The following SPOCK1 variants were observed in gnomAD, a reference collection of about 807,000 sequenced individuals.
SPOCK1 encodes the protein testican-1.
In SPOCK1, 23 loss-of-function variants were observed where a neutral mutation model predicts 55.3. The ratio of observed to expected loss-of-function variants is 0.42; its 90% confidence interval spans 0.30 to 0.59. The LOEUF is 0.59. SPOCK1 is among the 20% of genes least tolerant of loss of function. SPOCK1 has a pLI of 0.22. For synonymous variants in SPOCK1, 226 were observed against 221.0 expected, an observed-to-expected ratio of 1.02 and a Z score of -0.20; for missense variants, 499 against 552.5, an observed-to-expected ratio of 0.90 and a Z score of 0.97.
rs1350408550 is a variant in SPOCK1, at chr5:137,131,995, T to A, written c.347+8585A>T. 9.4e-3 allele frequency among the ~76,000 whole-genome samples: 372 copies of A among 39,422 alleles called. 8 individuals are homozygous for A. The highest frequency in any genetic ancestry group is 0.038 in the African/African-American group (250 of 6,576). 25.9% of individuals were successfully genotyped at this position (39,422 alleles called of 152,430 possible). A position where few individuals can be genotyped will look rare whatever the true frequency, so the allele number is the denominator to read the frequency against. ...TCAAAAAAAAAAAAAAAAAAATATA[T>A]ATATATATATATATATATATATATA... On this transcript the variant is annotated intron_variant, in intron 4 of 10. Coordinates refer to ENST00000394945, the MANE Select transcript of SPOCK1 (RefSeq NM_004598.4).
chr5:137,349,417 A>C (rs1166719034), intron 2 of SPOCK1, among the ~76,000 whole-genome samples: 1 of 152,226 alleles, frequency 6.6e-6, no homozygotes, highest in Non-Finnish European at 1.5e-5. Flanking sequence ...CAGCTTGATC[A>C]AGTGGAGAAA....
chr5:137,186,919 C>A (rs1424976228), intron 3 of SPOCK1, among the ~76,000 whole-genome samples: 1 of 152,210 alleles, frequency 6.6e-6, no homozygotes, highest in Admixed American at 6.5e-5. Context: ...CTTCATCTGG[C>A]CTGGCTCTCA....
chr5:137,301,698 A>G (rs1757593948), intron 2 of SPOCK1, among the ~76,000 whole-genome samples: 1 of 149,166 alleles, frequency 6.7e-6, no homozygotes, highest in African/African-American at 2.5e-5. Flanking sequence ...AGGGCGCAGA[A>G]GGAAGAACAA....
chr5:137,399,241 G>A (rs992101900), intron 2 of SPOCK1, among the ~76,000 whole-genome samples: 4 of 152,144 alleles, frequency 2.6e-5, no homozygotes, highest in Non-Finnish European at 4.4e-5. Flanking sequence ...AACTAATACT[G>A]AGGACTAGGC....
chr5:137,350,210 G>A (rs1300354988), intron 2 of SPOCK1, among the ~76,000 whole-genome samples: 1 of 152,192 alleles, frequency 6.6e-6, no homozygotes, highest in African/African-American at 2.4e-5. Flanking sequence ...TGGACAGAAG[G>A]AGAGCTGAGA....
At chr5:137,320,397 C>G (rs1217763909) in intron 2 of SPOCK1, among the ~76,000 whole-genome samples, 4 of 152,174 alleles carry the variant, frequency 2.6e-5, no homozygotes, top group African/African-American at 9.7e-5. Flanking sequence ...CCACAATTTT[C>G]AGAAAGCACC....
chr5:137,381,037 C>T (rs575907949), intron 2 of SPOCK1, among the ~76,000 whole-genome samples: 2 of 152,096 alleles, frequency 1.3e-5, no homozygotes, highest in South Asian at 4.2e-4. Flanking sequence ...GGAGTACAGG[C>T]ATTGGGTAAA....
intron 3 of SPOCK1, among the ~76,000 whole-genome samples, chr5:137,164,178 G>A (rs900849859): frequency 1.3e-5 from 2 of 152,004 alleles, no homozygotes; most frequent in African/African-American, 4.8e-5. Flanking sequence ...ATTTTTCTAT[G>A]TGAATACTTG....
At chr5:137,460,860 C>T (rs2149837336) in intron 2 of SPOCK1, among the ~76,000 whole-genome samples, 1 of 152,244 alleles carries the variant, frequency 6.6e-6, no homozygotes, top group Admixed American at 6.5e-5. Context: ...TGGGCCTCTG[C>T]GTTGCTGCTC....
intron 3 of SPOCK1, among the ~76,000 whole-genome samples, chr5:137,243,370 C>G (rs556613736): frequency 2.0e-5 from 3 of 152,244 alleles, no homozygotes; most frequent in South Asian, 2.1e-4. Context: ...AGTATCAGAG[C>G]CTTTCTATTT....
chr5:137,359,863 T>C (rs1750903293), intron 2 of SPOCK1, among the ~76,000 whole-genome samples: 2 of 152,316 alleles, frequency 1.3e-5, no homozygotes, highest in South Asian at 2.1e-4. Context: ...TCTATGTGGG[T>C]TACCTATCCA....
chr5:137,454,981 C>T (rs890740280), intron 2 of SPOCK1, among the ~76,000 whole-genome samples: 1 of 152,136 alleles, frequency 6.6e-6, no homozygotes, highest in Non-Finnish European at 1.5e-5. Context: ...AGAAAATGGT[C>T]TCTCTTTTCC....
At chr5:137,478,244 T>G in intron 2 of SPOCK1, among the ~76,000 whole-genome samples, 1 of 152,070 alleles carries the variant, frequency 6.6e-6, no homozygotes, top group Non-Finnish European at 1.5e-5. Flanking sequence ...TGGCACAGAC[T>G]AAGTCATAAT....
At chr5:137,134,600 A>G (rs942417386) in intron 4 of SPOCK1, among the ~76,000 whole-genome samples, 1 of 152,116 alleles carries the variant, frequency 6.6e-6, no homozygotes, top group Non-Finnish European at 1.5e-5. Context: ...GGGCACAATC[A>G]CTCTTTGGTC....
intron 6 of SPOCK1, among the ~76,000 whole-genome samples, chr5:137,045,071 C>A (rs1752084869): frequency 6.8e-6 from 1 of 146,412 alleles, no homozygotes; most frequent in Admixed American, 6.8e-5. Context: ...GGTTCCAAGT[C>A]TTTGCTATTG....
intron 3 of SPOCK1, among the ~76,000 whole-genome samples, chr5:137,254,734 G>A (rs1363449684): frequency 6.6e-6 from 1 of 152,226 alleles, no homozygotes; most frequent in Non-Finnish European, 1.5e-5. Flanking sequence ...TGCCTGTGGG[G>A]TCGAACTAAT....
At chr5:137,217,082 G>A (rs183162830) in intron 3 of SPOCK1, among the ~76,000 whole-genome samples, 313 of 152,250 alleles carry the variant, frequency 2.1e-3, no homozygotes, top group African/African-American at 7.1e-3. Flanking sequence ...ACAAGACAGG[G>A]AGGCCCATGA....
At chr5:137,162,404 G>T (rs1754576193) in intron 3 of SPOCK1, among the ~76,000 whole-genome samples, 1 of 152,096 alleles carries the variant, frequency 6.6e-6, no homozygotes, top group South Asian at 2.1e-4. Flanking sequence ...CTCCTGAAGT[G>T]CTGGGATTAC....
intron 6 of SPOCK1, among the ~76,000 whole-genome samples, chr5:137,001,264 T>C (rs553434625): frequency 6.6e-6 from 1 of 152,284 alleles, no homozygotes; most frequent in South Asian, 2.1e-4. Context: ...CTGTCGGCTG[T>C]GATCTGATTT....
Sources: gnomAD v4.1 joint callset for allele counts (sites outside exome capture counted in the v4.1 genomes callset) on GRCh38, gnomAD v4.1.1 for gene constraint, MANE v1.5 for transcripts, NCBI Gene and HGNC (gene_info 2026-07-23, HGNC 2026-07-21) for gene names.